The following CREB5 variants were observed in gnomAD, a reference collection of about 807,000 sequenced individuals.
The protein encoded by CREB5 is cAMP responsive element binding protein 5.
In CREB5, 19 loss-of-function variants were observed where a neutral mutation model predicts 57.1. The observed-to-expected ratio is 0.33, with a 90% confidence interval of 0.23 to 0.49. The LOEUF (loss-of-function observed/expected upper bound fraction) is 0.49, where lower values mean the gene tolerates loss of function less well. Among genes scored for constraint, CREB5 ranks in the 20% least tolerant of loss-of-function variants. The probability of loss-of-function intolerance (pLI) is 0.99; values close to 1 mark genes in which losing one functional copy is unlikely to be tolerated. For synonymous variants in CREB5, 238 were observed against 238.3 expected, an observed-to-expected ratio of 1.00 and a Z score of 0.01; for missense variants, 579 against 671.6, an observed-to-expected ratio of 0.86 and a Z score of 1.52.
chr7:28,522,733 C>T (rs1349808837), intron 4 of CREB5, among the ~76,000 whole-genome samples: 1 of 152,192 alleles, frequency 6.6e-6, no homozygotes, highest in African/African-American at 2.4e-5. Context: ...CGTAAGGCTT[C>T]TGTTGAGCTT....
chr7:28,741,983 T>C (rs1038501911), intron 7 of CREB5, among the ~76,000 whole-genome samples: 7 of 149,206 alleles, frequency 4.7e-5, no homozygotes, highest in Admixed American at 1.3e-4. Flanking sequence ...GAAGAATTGC[T>C]TGAACCCGGG....
intron 7 of CREB5, among the ~76,000 whole-genome samples, chr7:28,789,423 TCC>T (rs1807532883): frequency 6.6e-6 from 1 of 152,128 alleles, no homozygotes; most frequent in Non-Finnish European, 1.5e-5. Context: ...CCTCTCCCCA[TCC>T]TCACTGGGGA....
At chr7:28,560,855 T>TGCGCGCGTGCGC (rs1554344299) in intron 4 of CREB5, among the ~76,000 whole-genome samples, 3 of 56,388 alleles carry the variant, frequency 5.3e-5, no homozygotes, top group Non-Finnish European at 1.1e-4. Context: ...CGCGTGTGTG[T>TGCGCGCGTGCGC]GTGCGTGTGC....
At chr7:28,764,735 T>C (rs1021382893) in intron 7 of CREB5, among the ~76,000 whole-genome samples, 7 of 152,258 alleles carry the variant, frequency 4.6e-5, no homozygotes, top group Admixed American at 3.9e-4. Context: ...TGGGTCAGTT[T>C]TATATGTTTT....
intron 5 of CREB5, among the ~76,000 whole-genome samples, chr7:28,685,107 A>G (rs556331594): frequency 1.3e-5 from 2 of 152,232 alleles, no homozygotes; most frequent in South Asian, 4.1e-4. Flanking sequence ...TCTCCTCTTT[A>G]AAGTCACAGA....
intron 4 of CREB5, among the ~76,000 whole-genome samples, chr7:28,557,024 G>C (rs1228785699): frequency 1.3e-5 from 2 of 149,382 alleles, no homozygotes; most frequent in Admixed American, 6.6e-5. Context: ...TGTAGGCCTA[G>C]GGATACTAAC....
chr7:28,428,808 A>C (rs1208722584), intron 1 of CREB5, among the ~76,000 whole-genome samples: 1 of 152,174 alleles, frequency 6.6e-6, no homozygotes, highest in Non-Finnish European at 1.5e-5. Flanking sequence ...CTCATCTCAC[A>C]GCACACAGCC....
intron 7 of CREB5, among the ~76,000 whole-genome samples, chr7:28,775,554 A>G (rs913260906): frequency 1.4e-5 from 2 of 147,030 alleles, no homozygotes; most frequent in African/African-American, 5.0e-5. Context: ...ATATATATAT[A>G]TATATATATA....
intron 7 of CREB5, among the ~76,000 whole-genome samples, chr7:28,747,808 T>C (rs901867942): frequency 6.6e-6 from 1 of 152,244 alleles, no homozygotes; most frequent in African/African-American, 2.4e-5. Flanking sequence ...ATGTAATGGA[T>C]GCTGAAAAAC....
chr7:28,799,042 A>G (rs923295025), intron 7 of CREB5, among the ~76,000 whole-genome samples: 3 of 152,220 alleles, frequency 2.0e-5, no homozygotes, highest in Admixed American at 6.5e-5. Context: ...TTACAGTGCA[A>G]CTGTGACTCT....
intron 3 of CREB5, among the ~76,000 whole-genome samples, chr7:28,499,821 G>A (rs927136359): frequency 4.6e-5 from 7 of 152,314 alleles, no homozygotes; most frequent in Non-Finnish European, 7.3e-5. Context: ...AACCTCAGGT[G>A]ATCTGCCCCG....
Position 28,728,106 on chromosome 7 carries a change from T to C in CREB5, c.702+3774T>C, listed in dbSNP as rs201485875. ...GATTACAAGTGTGCACCTAGCTAGA[T>C]TTTTTTATATTTTTGTCGAGACAGG... On this transcript the variant is annotated intron_variant, in intron 7 of 10. Transcript: ENST00000357727. Among the ~76,000 whole-genome samples, 6 of 152,144 alleles carry C rather than the reference T, an allele frequency of 3.9e-5. No homozygotes were observed. In the East Asian group the frequency reaches 5.8e-4, roughly 15 times the overall value.
At chr7:28,519,878 CAT>C (rs1384580896) in intron 4 of CREB5, among the ~76,000 whole-genome samples, 1 of 152,188 alleles carries the variant, frequency 6.6e-6, no homozygotes, top group African/African-American at 2.4e-5. Context: ...GCCAAACAAA[CAT>C]AACCAAATCA....
At chr7:28,560,491 C>T (rs1795040247) in intron 4 of CREB5, among the ~76,000 whole-genome samples, 1 of 152,056 alleles carries the variant, frequency 6.6e-6, no homozygotes, top group Non-Finnish European at 1.5e-5. Context: ...AATTGGAGAA[C>T]AGGGTCTGGA....
chr7:28,560,875 C>CGTGTGT, intron 4 of CREB5, among the ~76,000 whole-genome samples: 1 of 19,220 alleles, frequency 5.2e-5, no homozygotes, highest in African/African-American at 1.8e-4. Context: ...CCTGCGTGCG[C>CGTGTGT]GTGCGTGCGT....
rs1334757992 is a variant in CREB5 at position 28,560,897 on chromosome 7, C to CGT, written c.292-9466_292-9465dup. On this transcript the variant is annotated intron_variant, in intron 4 of 10. Transcript: ENST00000357727. Reference sequence around the variant, plus strand: ...GCGCGTGCGTGCGTGCGTGTGTGTGCGTGCGCGCGTGCGTGTGCGTGTGTG... The same window carrying CGT: ...GCGCGTGCGTGCGTGCGTGTGTGTGCGTGTGCGCGCGTGCGTGTGCGTGTGTG... Among the ~76,000 whole-genome samples, 58 of 22,532 alleles carry CGT rather than the reference C, an allele frequency of 2.6e-3. 6 individuals are homozygous for CGT. Among genetic ancestry groups the CGT allele is most frequent in the Admixed American group, 4.5e-3 (9 of 1,998 alleles). 14.8% of individuals were successfully genotyped at this position (22,532 alleles called of 152,430 possible). A position where few individuals can be genotyped will look rare whatever the true frequency, so the allele number is the denominator to read the frequency against.
chr7:28,339,681 C>G (rs1260122159), intron 1 of CREB5, among the ~76,000 whole-genome samples: 2 of 152,202 alleles, frequency 1.3e-5, no homozygotes, highest in Non-Finnish European at 2.9e-5. Flanking sequence ...ATGCAATTAG[C>G]AGGTGGCAAA....
At chr7:28,383,503 C>T (rs376917883) in intron 1 of CREB5, among the ~76,000 whole-genome samples, 1 of 152,148 alleles carries the variant, frequency 6.6e-6, no homozygotes, top group East Asian at 1.9e-4. Context: ...TCTGCTGAGA[C>T]CTCAGGAAGA....
Position 28,398,349 on chromosome 7 carries a change from A to T in CREB5, c.-24-96557A>T, listed in dbSNP as rs142513959. 3.9e-5 allele frequency among the ~76,000 whole-genome samples: 6 copies of T among 152,336 alleles called. No homozygotes were observed. The East Asian group carries it at 1.2e-3, about 29-fold the overall frequency. ...TGGAGGCTTTGTGGCAAAGGTAGAC[A>T]TCAGGGTGCAAGTCAGCCTTAGCAC... On this transcript the variant is annotated intron_variant, in intron 1 of 9. Transcript: ENST00000396299.
Sources: gnomAD v4.1 joint callset for allele counts (sites outside exome capture counted in the v4.1 genomes callset) on GRCh38, gnomAD v4.1.1 for gene constraint, MANE v1.5 for transcripts, NCBI Gene and HGNC (gene_info 2026-07-23, HGNC 2026-07-21) for gene names.